RABGAP1L: variants seen among roughly 807,000 people sequenced by gnomAD.
RABGAP1L encodes rab GTPase-activating protein 1-like.
RABGAP1L carries 63 observed loss-of-function variants against 137.7 expected under a neutral mutation model. That is an observed-to-expected ratio of 0.46 (90% CI 0.37 to 0.56). The LOEUF is 0.56. Among genes scored for constraint, RABGAP1L ranks in the 20% least tolerant of loss-of-function variants. The pLI is 0.00. For missense variants in RABGAP1L, 1,095 were observed against 1,244.0 expected (o/e 0.88, Z 1.80); for synonymous variants, 431 against 433.7 (o/e 0.99, Z 0.08).
intron 13 of RABGAP1L, among the ~76,000 whole-genome samples, chr1:174,565,481 G>T (rs1667512810): frequency 6.6e-6 from 1 of 151,914 alleles, no homozygotes; most frequent in Admixed American, 6.6e-5. Context: ...TGTTTGACTA[G>T]TTACTTTCTT....
In RABGAP1L at chr1:174,560,385, A is replaced by G. The variant is rs989492754; in HGVS notation, c.1711-76990A>G. Among the ~76,000 whole-genome samples, 5 of 152,058 alleles carry G rather than the reference A, an allele frequency of 3.3e-5. No homozygotes were observed. In the South Asian group the frequency reaches 6.2e-4, roughly 19 times the overall value. On this transcript the variant is annotated intron_variant, in intron 13 of 25. Transcript: ENST00000681986. ...ATGCAACTGGTGGGTGCCCCATCCT[A>G]TGAGTTAAGAATTTAAGAACTGTGA...
intron 14 of RABGAP1L, among the ~76,000 whole-genome samples, chr1:174,640,260 AACCTTAAGTTT>A (rs1452108719): frequency 1.3e-5 from 2 of 152,178 alleles, no homozygotes; most frequent in Admixed American, 1.3e-4. Flanking sequence ...CATGCCAGGA[AACCTTAAGTTT>A]GATGATAGCT....
chr1:174,766,996 A>G (rs1195611233), intron 18 of RABGAP1L, among the ~76,000 whole-genome samples: 1 of 152,238 alleles, frequency 6.6e-6, no homozygotes, highest in African/African-American at 2.4e-5. Flanking sequence ...AAGTGTTTAG[A>G]CAACAACTTA....
At chr1:174,975,928 G>T (rs1670607186) in intron 21 of RABGAP1L, 150 bp from the exon 22 acceptor site, 1 of 641,588 alleles carries the variant, frequency 1.6e-6, no homozygotes, top group East Asian at 2.9e-5. Context: ...AGTGAAAGCA[G>T]CCATCGCTTG....
intron 18 of RABGAP1L, chr1:174,757,106 T>G: frequency 6.1e-6 from 3 of 489,186 alleles, no homozygotes; most frequent in Non-Finnish European, 1.3e-5. Flanking sequence ...TCGGTGCTTT[T>G]GGGAGGTTGT....
rs376654587 is a variant in RABGAP1L, at chr1:174,372,889, T to C, written c.1559+1817T>C. 2.6e-5 allele frequency among the ~76,000 whole-genome samples: 4 copies of C among 152,206 alleles called. No homozygotes were observed. The South Asian group carries it at 6.2e-4, about 24-fold the overall frequency. ...CTTTGCATTGCCATTATGTTATATA[T>C]GTTGAGAGTTGTAAACTAGCCTAGT... On this transcript the variant is annotated intron_variant, in intron 12 of 25. Coordinates refer to ENST00000681986, the MANE Select transcript of RABGAP1L (RefSeq NM_001366446.1).
chr1:174,576,185 A>G (rs1328947237), intron 13 of RABGAP1L, among the ~76,000 whole-genome samples: 2 of 152,204 alleles, frequency 1.3e-5, no homozygotes, highest in African/African-American at 4.8e-5. Context: ...AGGCTAGACA[A>G]CTGGTTAGAC....
At chr1:174,485,705 A>G (rs1347484443) in intron 13 of RABGAP1L, among the ~76,000 whole-genome samples, 1 of 152,176 alleles carries the variant, frequency 6.6e-6, no homozygotes, top group East Asian at 1.9e-4. Flanking sequence ...GGCCATGATG[A>G]ATGATCTTTC....
intron 1 of RABGAP1L, among the ~76,000 whole-genome samples, chr1:174,174,560 C>T (rs1378124624): frequency 1.3e-5 from 2 of 152,090 alleles, no homozygotes; most frequent in South Asian, 2.1e-4. Flanking sequence ...GTCCAAAGGC[C>T]TGAGAACCAG....
intron 13 of RABGAP1L, among the ~76,000 whole-genome samples, chr1:174,628,850 G>A (rs1351045702): frequency 2.6e-5 from 4 of 152,128 alleles, no homozygotes; most frequent in South Asian, 2.1e-4. Context: ...TAGGGAGCCC[G>A]TGCATATATG....
intron 23 of RABGAP1L, 70 bp downstream of exon 23, chr1:174,978,960 C>G: frequency 7.3e-7 from 1 of 1,365,984 alleles, no homozygotes; most frequent in Non-Finnish European, 9.5e-7. Flanking sequence ...TTTTTTTTTG[C>G]TTGAGGCCAG....
In RABGAP1L at chr1:174,659,009, G is replaced by A. The variant is rs1035765130; in HGVS notation, c.1824+21521G>A. On this transcript the variant is annotated intron_variant, in intron 14 of 25. Coordinates refer to ENST00000681986, the MANE Select transcript of RABGAP1L (RefSeq NM_001366446.1). ...AATCTAAGAATCCATAAGAATTTTAGCAATGAGTAAGACCCTATCCAGGCA... is the reference window on the plus strand; with the variant it reads ...AATCTAAGAATCCATAAGAATTTTAACAATGAGTAAGACCCTATCCAGGCA... 5.3e-5 allele frequency among the ~76,000 whole-genome samples: 8 copies of A among 152,158 alleles called. No individual in the cohort carries two copies. In the East Asian group the frequency reaches 9.7e-4, roughly 18 times the overall value.
chr1:174,376,230 GGAAA>G (rs1250765421), intron 12 of RABGAP1L, among the ~76,000 whole-genome samples: 1 of 144,296 alleles, frequency 6.9e-6, no homozygotes, highest in Non-Finnish European at 1.5e-5. Context: ...AGGAAGGAAA[GGAAA>G]GAAGGAAGGA....
chr1:174,167,207 T>C (rs1440782377), intron 1 of RABGAP1L, among the ~76,000 whole-genome samples: 2 of 150,230 alleles, frequency 1.3e-5, no homozygotes, highest in Non-Finnish European at 3.0e-5. Context: ...TCTGTTAAAG[T>C]TTTTTCCCCC....
chr1:174,858,270 G>C (rs1649650673), intron 19 of RABGAP1L, among the ~76,000 whole-genome samples: 1 of 152,084 alleles, frequency 6.6e-6, no homozygotes, highest in Non-Finnish European at 1.5e-5. Context: ...TCCTGCCCTT[G>C]GCTTCTCAAA....
At chr1:174,728,083 T>G (rs1256338148) in intron 17 of RABGAP1L, among the ~76,000 whole-genome samples, 1 of 152,218 alleles carries the variant, frequency 6.6e-6, no homozygotes, top group Admixed American at 6.5e-5. Flanking sequence ...TAAAGAGAAT[T>G]ATATTCAAAA....
At position 174,957,532 on chromosome 1, in the gene RABGAP1L, C is replaced by T. The variant is rs201224754; in HGVS notation, c.2416C>T (p.Pro806Ser). 1 of 1,607,330 alleles carries T rather than the reference C, an allele frequency of 6.2e-7. No homozygotes were observed. The highest frequency in any genetic ancestry group is 1.3e-5 in the African/African-American group (1 of 74,820). Residue 806 changes from proline (P) to serine (S), a missense_variant, in exon 20 of 26, where the codon CCA becomes TCA. Coordinates refer to ENST00000681986, the MANE Select transcript of RABGAP1L (RefSeq NM_001366446.1). ...AGAGAGTCAGCTGCAACAGGAAGAC[C>T]CAATGGATAGATACAAGGTATGAGA... is the stretch of plus-strand genomic sequence containing the variant. ...MRESQLQQED[P>S]MDRYKRENRR... is the part of the protein sequence containing the mutation.
At chr1:174,240,127 T>G (rs1238972836) in intron 4 of RABGAP1L, among the ~76,000 whole-genome samples, 1 of 152,254 alleles carries the variant, frequency 6.6e-6, no homozygotes, top group Non-Finnish European at 1.5e-5. Flanking sequence ...GACTTGCCTC[T>G]TTATTCCTGG....
intron 13 of RABGAP1L, among the ~76,000 whole-genome samples, chr1:174,399,146 G>T (rs1055555686): frequency 6.6e-6 from 1 of 152,096 alleles, no homozygotes; most frequent in Non-Finnish European, 1.5e-5. Context: ...AAGTACAGTG[G>T]TATATTTAAT....
Sources: gnomAD v4.1 joint callset for allele counts (sites outside exome capture counted in the v4.1 genomes callset) on GRCh38, gnomAD v4.1.1 for gene constraint, MANE v1.5 for transcripts, NCBI Gene and HGNC (gene_info 2026-07-23, HGNC 2026-07-21) for gene names.